PLD5: variants seen among roughly 807,000 people sequenced by gnomAD.
PLD5 encodes the protein inactive phospholipase D5.
PLD5 carries 36 observed loss-of-function variants against 61.1 expected under a neutral mutation model. That is an observed-to-expected ratio of 0.59 (90% CI 0.45 to 0.78). The LOEUF (loss-of-function observed/expected upper bound fraction) is 0.78. Among genes scored for constraint, PLD5 ranks in the 30% least tolerant of loss-of-function variants. The probability of loss-of-function intolerance (pLI) is 0.00; values close to 1 mark genes in which losing one functional copy is unlikely to be tolerated. For synonymous variants in PLD5, 243 were observed against 242.8 expected, an observed-to-expected ratio of 1.00 and a Z score of -0.01; for missense variants, 515 against 644.4, an observed-to-expected ratio of 0.80 and a Z score of 2.17.
At chr1:242,123,005 C>T (rs1354908455) in intron 6 of PLD5, among the ~76,000 whole-genome samples, 1 of 152,224 alleles carries the variant, frequency 6.6e-6, no homozygotes, top group Admixed American at 6.5e-5. Context: ...AGGATAATTT[C>T]AGAAGCTTGC....
intron 1 of PLD5, among the ~76,000 whole-genome samples, chr1:242,506,156 G>C (rs886655296): frequency 6.6e-6 from 1 of 152,158 alleles, no homozygotes; most frequent in African/African-American, 2.4e-5. Context: ...GAGGTTCAAC[G>C]CTTCCTTTGG....
At chr1:242,382,136 A>AAAAC (rs386370239) in intron 1 of PLD5, among the ~76,000 whole-genome samples, 1 of 151,226 alleles carries the variant, frequency 6.6e-6, no homozygotes, top group African/African-American at 2.4e-5. Context: ...AGCAAAAAAA[A>AAAAC]AAACAAAACA....
Position 242,524,498 on chromosome 1 carries a change from G to A in PLD5, c.-222C>T, listed in dbSNP as rs981532865. The A allele has an allele frequency of 3.7e-5, 8 of 216,620 alleles. No homozygotes were observed. Among genetic ancestry groups the A allele is most frequent in the Non-Finnish European group, 3.5e-5 (4 of 113,280 alleles). 13.4% of individuals were successfully genotyped at this position (216,620 alleles called of 1,614,324 possible). On this transcript the variant is annotated 5_prime_UTR_variant, in exon 1 of 10. Coordinates refer to ENST00000536534, the MANE Select transcript of PLD5 (RefSeq NM_001372062.1). ...GGGGCGATCGCGGGAGGCGCGGGGC[G>A]GAAGGAGGGAGGGCGAGGTGCGGGC...
At chr1:242,218,530 T>C (rs1270112573) in intron 5 of PLD5, among the ~76,000 whole-genome samples, 1 of 152,212 alleles carries the variant, frequency 6.6e-6, no homozygotes, top group Non-Finnish European at 1.5e-5. Context: ...CAAGAGTAGT[T>C]GGCATCCTAT....
chr1:242,374,239 C>G (rs899258714), intron 1 of PLD5, among the ~76,000 whole-genome samples: 1 of 152,108 alleles, frequency 6.6e-6, no homozygotes, highest in Non-Finnish European at 1.5e-5. Context: ...ACCTGAACTC[C>G]TAAAACACAG....
At chr1:242,274,989 A>T (rs1408838012) in intron 3 of PLD5, among the ~76,000 whole-genome samples, 1 of 152,202 alleles carries the variant, frequency 6.6e-6, no homozygotes, top group African/African-American at 2.4e-5. Flanking sequence ...AATCTATCCC[A>T]GAGAAACATA....
intron 5 of PLD5, among the ~76,000 whole-genome samples, chr1:242,167,299 T>G (rs1666394093): frequency 6.6e-6 from 1 of 152,102 alleles, no homozygotes; most frequent in African/African-American, 2.4e-5. Context: ...GACTAACAGT[T>G]CCACATGGCT....
At chr1:242,518,069 A>T (rs1030772571) in intron 1 of PLD5, among the ~76,000 whole-genome samples, 3 of 152,178 alleles carry the variant, frequency 2.0e-5, no homozygotes, top group African/African-American at 7.2e-5. Context: ...CGGTCATGAC[A>T]TCCAGTCCCA....
At chr1:242,417,463 C>A (rs1169935011) in intron 1 of PLD5, among the ~76,000 whole-genome samples, 1 of 152,108 alleles carries the variant, frequency 6.6e-6, no homozygotes, top group Non-Finnish European at 1.5e-5. Context: ...TCTGCATAAT[C>A]TCCCCTTAGT....
chr1:242,181,862 C>T (rs1420936442), intron 5 of PLD5, among the ~76,000 whole-genome samples: 9 of 152,064 alleles, frequency 5.9e-5, no homozygotes, highest in African/African-American at 2.2e-4. Flanking sequence ...AGGACGGTCT[C>T]GATCTCTTGA....
intron 4 of PLD5, among the ~76,000 whole-genome samples, chr1:242,240,091 G>A (rs56206611): frequency 0.085 from 12,940 of 152,210 alleles, 704 homozygotes; most frequent in East Asian, 0.16. Flanking sequence ...AAGACCTCCC[G>A]AGTTGGCTGT....
chr1:242,339,602 T>C (rs1659720137), intron 2 of PLD5, among the ~76,000 whole-genome samples: 1 of 152,236 alleles, frequency 6.6e-6, no homozygotes. Flanking sequence ...GCTGAGTCTC[T>C]TGCTATACAA....
chr1:242,155,975 G>A (rs972486670), intron 5 of PLD5, among the ~76,000 whole-genome samples: 1 of 152,126 alleles, frequency 6.6e-6, no homozygotes, highest in Admixed American at 6.5e-5. Context: ...CTATTATTGT[G>A]TGGGAGTCTA....
At chr1:242,303,195 T>C (rs1676161009) in intron 2 of PLD5, among the ~76,000 whole-genome samples, 1 of 152,198 alleles carries the variant, frequency 6.6e-6, no homozygotes, top group Admixed American at 6.5e-5. Context: ...ATAGCCAAAA[T>C]AGCAAATACA....
intron 5 of PLD5, among the ~76,000 whole-genome samples, chr1:242,141,370 T>TC (rs137960968): frequency 0.014 from 2,162 of 151,842 alleles, 27 homozygotes; most frequent in Non-Finnish European, 0.023. Context: ...GTAAGGGGCA[T>TC]CCAAAATTTG....
rs1462394004 is a variant in PLD5 at position 242,086,562 on chromosome 1, T to A, written c.*3292A>T. ...GGCCCACAGTATTGATCTTTGATGG[T>A]GTGTGCAATGATTTGATTTGGCGGG... On this transcript the variant is annotated 3_prime_UTR_variant, in exon 10 of 10. Coordinates refer to ENST00000536534, the MANE Select transcript of PLD5 (RefSeq NM_001372062.1). 6.6e-6 allele frequency: 1 copy of A among 152,050 alleles called. No individual in the cohort carries two copies. The highest frequency in any genetic ancestry group is 1.5e-5 in the Non-Finnish European group (1 of 68,058). The allele number at this position is 152,050 out of a possible 1,614,324, so 9.4% of individuals were successfully genotyped here.
intron 1 of PLD5, among the ~76,000 whole-genome samples, chr1:242,395,137 A>G (rs1663493512): frequency 6.7e-6 from 1 of 148,814 alleles, no homozygotes; most frequent in South Asian, 2.1e-4. Flanking sequence ...ATATGTATAT[A>G]TTTTAAATAG....
At chr1:242,174,608 A>T (rs60789341) in intron 5 of PLD5, among the ~76,000 whole-genome samples, 18,689 of 152,264 alleles carry the variant, frequency 0.12, 1,715 homozygotes, top group East Asian at 0.42. Flanking sequence ...ATGTATGTTT[A>T]CTGTGGCACC....
intron 5 of PLD5, among the ~76,000 whole-genome samples, chr1:242,157,000 T>G (rs1336563355): frequency 6.6e-6 from 1 of 152,172 alleles, no homozygotes; most frequent in African/African-American, 2.4e-5. Context: ...CAATCAAACG[T>G]AGATTTGGTC....
Sources: gnomAD v4.1 joint callset for allele counts (sites outside exome capture counted in the v4.1 genomes callset) on GRCh38, gnomAD v4.1.1 for gene constraint, MANE v1.5 for transcripts, NCBI Gene and HGNC (gene_info 2026-07-23, HGNC 2026-07-21) for gene names.